Variants in PSMA1 observed in about 807,000 individuals in gnomAD.
PSMA1 encodes proteasome subunit alpha type-1.
PSMA1 carries 3 observed loss-of-function variants against 38.4 expected under a neutral mutation model. The ratio of observed to expected loss-of-function variants is 0.08; its 90% CI spans 0.04 to 0.20. PSMA1 has a LOEUF of 0.20. Among genes scored for constraint, PSMA1 ranks in the 10% least tolerant of loss-of-function variants. The pLI is 1.00. For synonymous variants in PSMA1, 101 were observed against 107.1 expected (o/e 0.94, Z 0.35); for missense variants, 227 against 325.3 (o/e 0.70, Z 2.32).
At chr11:14,631,272 C>G (rs891513615) in intron 1 of PSMA1, among the ~76,000 whole-genome samples, 1 of 151,976 alleles carries the variant, frequency 6.6e-6, no homozygotes, top group Non-Finnish European at 1.5e-5. Flanking sequence ...TGTCAATTTT[C>G]GATATTTCCT....
chr11:14,508,339 A>G (rs1424350619), intron 8 of PSMA1, among the ~76,000 whole-genome samples: 1 of 152,050 alleles, frequency 6.6e-6, no homozygotes, highest in African/African-American at 2.4e-5. Flanking sequence ...CTATGTCCCT[A>G]GATTCTCTCC....
chr11:14,539,742 A>T (rs898944209), intron 2 of PSMA1, among the ~76,000 whole-genome samples: 10 of 151,996 alleles, frequency 6.6e-5, no homozygotes, highest in Non-Finnish European at 1.2e-4. Flanking sequence ...CCAGCTACTC[A>T]GGAGGCTGAG....
chr11:14,538,674 A>G (rs1182245756), intron 2 of PSMA1, among the ~76,000 whole-genome samples: 2 of 152,248 alleles, frequency 1.3e-5, no homozygotes, highest in Non-Finnish European at 2.9e-5. Flanking sequence ...GCTTCCTCCC[A>G]CAGTAGCTCA....
chr11:14,516,901 G>A (rs1280319983), intron 4 of PSMA1, among the ~76,000 whole-genome samples: 2 of 152,166 alleles, frequency 1.3e-5, no homozygotes, highest in African/African-American at 4.8e-5. Flanking sequence ...ACTCCAGCCT[G>A]GGTGAGAGTG....
chr11:14,546,460 C>T (rs148199779), intron 2 of PSMA1, among the ~76,000 whole-genome samples: 115 of 152,176 alleles, frequency 7.6e-4, no homozygotes, highest in African/African-American at 2.5e-3. Flanking sequence ...TCCCCCCAGA[C>T]AGAGTCTCGC....
chr11:14,530,734 G>A (rs760111421), intron 2 of PSMA1, among the ~76,000 whole-genome samples: 17 of 151,734 alleles, frequency 1.1e-4, no homozygotes, highest in Non-Finnish European at 1.8e-4. Context: ...AAACCCTGTC[G>A]CTACTAAAAA....
At chr11:14,598,352 TG>T (rs758993826) in intron 2 of PSMA1, among the ~76,000 whole-genome samples, 64 of 151,418 alleles carry the variant, frequency 4.2e-4, no homozygotes, top group Non-Finnish European at 5.9e-4. Flanking sequence ...GTGGGGTGTT[TG>T]TCTCCCATTA....
intron 2 of PSMA1, among the ~76,000 whole-genome samples, chr11:14,528,133 T>C (rs1395843367): frequency 1.3e-5 from 2 of 151,860 alleles, no homozygotes; most frequent in Non-Finnish European, 2.9e-5. Flanking sequence ...ACTCTGTATA[T>C]TTTTAAATGA....
upstream of PSMA1, among the ~76,000 whole-genome samples, chr11:14,524,934 C>CGGA (rs1851570300): frequency 6.6e-6 from 1 of 152,164 alleles, no homozygotes; most frequent in African/African-American, 2.4e-5. Flanking sequence ...TCCCAGATCT[C>CGGA]GGCTTAGCGG....
Position 14,505,209 on chromosome 11 carries a change from C to T in PSMA1, c.775G>A (p.Glu259Lys). 6.2e-7 allele frequency: 1 copy of T among 1,613,638 alleles called. No individual in the cohort carries two copies. The highest frequency in any genetic ancestry group is 8.5e-7 in the Non-Finnish European group (1 of 1,179,678). ...CTTATCACTTAATGTTCCATTGGTT[C>T]ATCAGCCTTTTCTGCAGGTTCATCA... is the stretch of plus-strand genomic sequence containing the variant. ...PADEPAEKADEPMEH is the reference protein window; with the variant it reads ...PADEPAEKADKPMEH The change falls in exon 10 of 10, where the codon GAA becomes AAA. Residue 259 changes from glutamate to lysine, a missense_variant. By Grantham distance (56) the Glu-to-Lys change is moderately conservative (BLOSUM62 1). Transcript: ENST00000396394.
At chr11:14,552,630 G>A (rs941666082) in intron 2 of PSMA1, among the ~76,000 whole-genome samples, 13 of 152,040 alleles carry the variant, frequency 8.6e-5, no homozygotes, top group Admixed American at 2.6e-4. Context: ...GAAGCAGTGA[G>A]CATCTGCATT....
At chr11:14,616,343 G>T (rs1422221233) in intron 1 of PSMA1, among the ~76,000 whole-genome samples, 1 of 142,822 alleles carries the variant, frequency 7.0e-6, no homozygotes, top group Non-Finnish European at 1.5e-5. Flanking sequence ...AACTATTCTT[G>T]TGCCTCAGCC....
At chr11:14,611,017 C>T (rs778327818) in exon 2 of PSMA1, 1 of 1,605,748 alleles carries the variant, frequency 6.2e-7, no homozygotes, top group Non-Finnish European at 8.5e-7. Flanking sequence ...ACCTAGTAGA[C>T]CAACATACAA....
chr11:14,634,875 G>A (rs1379226737), intron 1 of PSMA1, among the ~76,000 whole-genome samples: 2 of 152,206 alleles, frequency 1.3e-5, no homozygotes, highest in South Asian at 2.1e-4. Context: ...ACCTCTGGAA[G>A]AGTAAAGAGC....
chr11:14,525,958 A>G (rs1488867849), intron 2 of PSMA1, among the ~76,000 whole-genome samples: 1 of 152,144 alleles, frequency 6.6e-6, no homozygotes, highest in Admixed American at 6.5e-5. Flanking sequence ...GAATCTTCTC[A>G]ACAAGACACC....
intron 2 of PSMA1, among the ~76,000 whole-genome samples, chr11:14,557,210 CT>C (rs1851950152): frequency 6.6e-6 from 1 of 152,028 alleles, no homozygotes; most frequent in African/African-American, 2.4e-5. Flanking sequence ...TTTCCTTTTT[CT>C]TCTGGGAGAT....
intron 2 of PSMA1, among the ~76,000 whole-genome samples, chr11:14,580,812 T>C (rs1024685751): frequency 1.3e-5 from 2 of 152,240 alleles, no homozygotes; most frequent in East Asian, 3.9e-4. Flanking sequence ...TGTAGGAAAC[T>C]GAGAGATTAT....
intron 2 of PSMA1, among the ~76,000 whole-genome samples, chr11:14,571,251 G>A (rs1310311888): frequency 6.6e-6 from 1 of 152,144 alleles, no homozygotes; most frequent in East Asian, 1.9e-4. Flanking sequence ...TTTTAGTAGA[G>A]ATGGCGTTTC....
At chr11:14,520,891 C>T (rs1565035370), upstream of PSMA1, among the ~76,000 whole-genome samples, 1 of 152,154 alleles carries the variant, frequency 6.6e-6, no homozygotes, top group Non-Finnish European at 1.5e-5. Flanking sequence ...TGGCAAAATA[C>T]TTTGGAATGC....
Sources: allele counts gnomAD v4.1 joint callset (sites outside exome capture counted in the v4.1 genomes callset), GRCh38; gene constraint gnomAD v4.1.1; transcripts MANE v1.5; gene names NCBI Gene and HGNC (gene_info 2026-07-23, HGNC 2026-07-21).